Variants in EFNA5 observed in about 807,000 individuals in gnomAD.
The protein encoded by EFNA5 is ephrin A5.
A neutral mutation model predicts 22.9 loss-of-function variants in EFNA5; 5 were observed. The ratio of observed to expected loss-of-function variants is 0.22; its 90% CI spans 0.11 to 0.46. The LOEUF (loss-of-function observed/expected upper bound fraction) is 0.46, where lower values mean the gene tolerates loss of function less well. Among genes scored for constraint, EFNA5 ranks in the 20% least tolerant of loss-of-function variants. The pLI, the probability that EFNA5 is intolerant of heterozygous loss-of-function variation, is 0.99. For missense variants in EFNA5, 237 were observed against 293.3 expected (o/e 0.81, Z 1.40); for synonymous variants, 113 against 112.2 (o/e 1.01, Z -0.04).
At chr5:107,450,443 G>A (rs1437583354) in intron 1 of EFNA5, among the ~76,000 whole-genome samples, 1 of 152,066 alleles carries the variant, frequency 6.6e-6, no homozygotes, top group African/African-American at 2.4e-5. Context: ...TAGTTTTGTC[G>A]ACTAATATTT....
At chr5:107,401,282 G>A (rs1243942107) in intron 2 of EFNA5, among the ~76,000 whole-genome samples, 1 of 152,102 alleles carries the variant, frequency 6.6e-6, no homozygotes, top group Non-Finnish European at 1.5e-5. Context: ...TTGGCATTTT[G>A]AGGAAAAAAT....
intron 1 of EFNA5, among the ~76,000 whole-genome samples, chr5:107,596,397 G>C (rs1749474806): frequency 6.6e-6 from 1 of 152,080 alleles, no homozygotes; most frequent in South Asian, 2.1e-4. Context: ...ATTTCACTTA[G>C]CATAATTTCC....
At chr5:107,640,811 G>A (rs562686472) in intron 1 of EFNA5, among the ~76,000 whole-genome samples, 5 of 152,332 alleles carry the variant, frequency 3.3e-5, no homozygotes, top group African/African-American at 9.6e-5. Flanking sequence ...AAATGAGAAT[G>A]CTGCCACATG....
intron 1 of EFNA5, among the ~76,000 whole-genome samples, chr5:107,569,073 A>C (rs1748720128): frequency 6.6e-6 from 1 of 152,164 alleles, no homozygotes; most frequent in Admixed American, 6.6e-5. Context: ...AGATACGCAT[A>C]GTTAAATCTA....
intron 1 of EFNA5, among the ~76,000 whole-genome samples, chr5:107,494,458 G>A (rs578047698): frequency 1.3e-5 from 2 of 152,316 alleles, no homozygotes; most frequent in South Asian, 2.1e-4. Context: ...TTGATTTCTC[G>A]CTGGGCCTTA....
At chr5:107,599,406 CATAT>C (rs35863120) in intron 1 of EFNA5, among the ~76,000 whole-genome samples, 19 of 152,120 alleles carry the variant, frequency 1.2e-4, no homozygotes, top group Non-Finnish European at 1.5e-4. Context: ...GATTATAAAA[CATAT>C]ATTTGCATAT....
At chr5:107,600,517 C>G (rs1749569848) in intron 1 of EFNA5, among the ~76,000 whole-genome samples, 1 of 150,894 alleles carries the variant, frequency 6.6e-6, no homozygotes, top group South Asian at 2.1e-4. Context: ...CACAGAGTCT[C>G]ACTCTGTCCC....
chr5:107,421,921 A>T (rs1748679029), intron 2 of EFNA5, among the ~76,000 whole-genome samples: 1 of 151,914 alleles, frequency 6.6e-6, no homozygotes, highest in East Asian at 1.9e-4. Context: ...CTTCCTGAGT[A>T]GCTGGGGTTA....
chr5:107,525,567 T>C (rs1747678572), intron 1 of EFNA5, among the ~76,000 whole-genome samples: 1 of 152,236 alleles, frequency 6.6e-6, no homozygotes, highest in African/African-American at 2.4e-5. Context: ...TTATGTATTA[T>C]ATACTATATT....
intron 2 of EFNA5, among the ~76,000 whole-genome samples, chr5:107,399,293 AGAAG>A (rs200018465): frequency 9.5e-5 from 13 of 136,312 alleles, no homozygotes; most frequent in Admixed American, 2.2e-4. Flanking sequence ...TCTCTACTAA[AGAAG>A]GAAGGAAGGA....
At chr5:107,460,971 G>T (rs1484260271) in intron 1 of EFNA5, among the ~76,000 whole-genome samples, 2 of 152,158 alleles carry the variant, frequency 1.3e-5, no homozygotes, top group African/African-American at 4.8e-5. Flanking sequence ...TACGGTGGGT[G>T]TAGCTATCAA....
At chr5:107,598,387 CA>C (rs1046230973) in intron 1 of EFNA5, among the ~76,000 whole-genome samples, 1 of 151,938 alleles carries the variant, frequency 6.6e-6, no homozygotes, top group Non-Finnish European at 1.5e-5. Context: ...AGAGGATAAG[CA>C]AAAAACTAAA....
intron 2 of EFNA5, among the ~76,000 whole-genome samples, chr5:107,421,736 T>C (rs1242827164): frequency 2.0e-5 from 3 of 152,068 alleles, no homozygotes; most frequent in East Asian, 1.9e-4. Context: ...TTAAAAAATA[T>C]AAAGTGTATT....
At chr5:107,649,557 T>G (rs531788549) in intron 1 of EFNA5, among the ~76,000 whole-genome samples, 2 of 152,250 alleles carry the variant, frequency 1.3e-5, no homozygotes, top group South Asian at 2.1e-4. Context: ...ACTTTCTCAC[T>G]GAATCAACAC....
At chr5:107,518,975 G>A (rs1747538309) in intron 1 of EFNA5, among the ~76,000 whole-genome samples, 1 of 152,086 alleles carries the variant, frequency 6.6e-6, no homozygotes, top group African/African-American at 2.4e-5. Context: ...AGATCCAACC[G>A]GTTTCATTTG....
chr5:107,416,795 AC>A (rs1204373649), intron 2 of EFNA5, among the ~76,000 whole-genome samples: 10 of 152,236 alleles, frequency 6.6e-5, no homozygotes, highest in African/African-American at 2.4e-4. Flanking sequence ...TTGCCTGTTC[AC>A]ATTTTTAGCC....
chr5:107,571,931 C>T (rs1389726937), intron 1 of EFNA5, among the ~76,000 whole-genome samples: 1 of 152,086 alleles, frequency 6.6e-6, no homozygotes, highest in African/African-American at 2.4e-5. Context: ...GAAAGAAAAC[C>T]ACTCTCCAAT....
chr5:107,632,117 ATC>A (rs1390012275), intron 1 of EFNA5, among the ~76,000 whole-genome samples: 1 of 152,066 alleles, frequency 6.6e-6, no homozygotes, highest in Admixed American at 6.6e-5. Flanking sequence ...ATTCCTTCTC[ATC>A]TCTCTCTTTT....
At chr5:107,404,529 G>A (rs1748160833) in intron 2 of EFNA5, among the ~76,000 whole-genome samples, 1 of 152,084 alleles carries the variant, frequency 6.6e-6, no homozygotes, top group South Asian at 2.1e-4. Context: ...AACTGTGCCA[G>A]GTTTATTAAG....
Sources: allele counts gnomAD v4.1 joint callset (sites outside exome capture counted in the v4.1 genomes callset), GRCh38; gene constraint gnomAD v4.1.1; transcripts MANE v1.5; gene names NCBI Gene and HGNC (gene_info 2026-07-23, HGNC 2026-07-21).